The following GLYATL3 variants were observed in gnomAD, a reference collection of about 807,000 sequenced individuals.
GLYATL3 encodes glycine-N-acyltransferase like 3, also known as glycine N-acyltransferase-like protein 3.
GLYATL3 carries 31 observed loss-of-function variants against 28.5 expected under a neutral mutation model. The ratio of observed to expected loss-of-function variants is 1.09; its 90% confidence interval spans 0.82 to 1.47. The LOEUF (loss-of-function observed/expected upper bound fraction) is 1.47, where lower values mean the gene tolerates loss of function less well. Among genes scored for constraint, GLYATL3 ranks in the 40% most tolerant of loss-of-function variants. The pLI is 0.00. For synonymous variants in GLYATL3, 141 were observed against 140.2 expected (o/e 1.01, Z -0.04); for missense variants, 369 against 351.5 (o/e 1.05, Z -0.40).
chr6:49,508,576 T>C (rs890317648), intron 1 of GLYATL3, among the ~76,000 whole-genome samples: 2 of 152,160 alleles, frequency 1.3e-5, no homozygotes, highest in Non-Finnish European at 2.9e-5. Flanking sequence ...CATCCGTTTA[T>C]AGGCTCTCCA....
At chr6:49,524,968 C>CA (rs911424000) in intron 5 of GLYATL3, among the ~76,000 whole-genome samples, 2,761 of 41,540 alleles carry the variant, frequency 0.066, 57 homozygotes, top group South Asian at 0.077. Flanking sequence ...GACTCCCTCT[C>CA]AAAAAAAAAA....
chr6:49,524,752 G>A (rs1340929430), intron 5 of GLYATL3, among the ~76,000 whole-genome samples: 1 of 151,748 alleles, frequency 6.6e-6, no homozygotes, highest in Non-Finnish European at 1.5e-5. Context: ...GCCGAGGCGG[G>A]TAGATCACCC....
intron 2 of GLYATL3, among the ~76,000 whole-genome samples, chr6:49,514,903 A>AAAT (rs762916639): frequency 3.3e-5 from 5 of 152,088 alleles, no homozygotes; most frequent in East Asian, 1.9e-4. Flanking sequence ...TACTGTCGCA[A>AAAT]AATAATAATA....
chr6:49,526,425 G>T (rs1187763632), intron 5 of GLYATL3, 63 bp from the exon 6 acceptor site: 6 of 1,349,084 alleles, frequency 4.4e-6, no homozygotes, highest in Non-Finnish European at 6.1e-6. Flanking sequence ...AAAAAAAAAT[G>T]TGTAGTTATG....
In GLYATL3 at chr6:49,527,104, G is replaced by T; in HGVS notation, c.*190G>T. ...TCTCAGGTTTCTCCAGTAAATAGCTGTGGGGGTGAAGAGTAGCTGTGGCTG... is the reference window on the plus strand; with the variant it reads ...TCTCAGGTTTCTCCAGTAAATAGCTTTGGGGGTGAAGAGTAGCTGTGGCTG... On this transcript the variant is annotated 3_prime_UTR_variant, in exon 6 of 6. Coordinates refer to ENST00000371197, the MANE Select transcript of GLYATL3 (RefSeq NM_001010904.2). The T allele has an allele frequency of 1.8e-6, 1 of 551,722 alleles. No homozygotes were observed. The highest frequency in any genetic ancestry group is 3.2e-6 in the Non-Finnish European group (1 of 313,652). The allele number at this position is 551,722 out of a possible 1,614,324, so 34.2% of individuals were successfully genotyped here.
At chr6:49,516,806 A>C (rs1381944464) in intron 3 of GLYATL3, among the ~76,000 whole-genome samples, 3 of 151,932 alleles carry the variant, frequency 2.0e-5, no homozygotes, top group Non-Finnish European at 2.9e-5. Flanking sequence ...AAAAATAAAA[A>C]ATAATTTTTA....
intron 4 of GLYATL3, among the ~76,000 whole-genome samples, chr6:49,518,768 GTC>G (rs1307214701): frequency 6.6e-6 from 1 of 151,914 alleles, no homozygotes; most frequent in African/African-American, 2.4e-5. Flanking sequence ...GTGAAACCCC[GTC>G]TCTACTAAAA....
chr6:49,513,862 C>T (rs963390442), intron 2 of GLYATL3, among the ~76,000 whole-genome samples: 2 of 152,078 alleles, frequency 1.3e-5, no homozygotes, highest in African/African-American at 4.8e-5. Flanking sequence ...CCCATCTACT[C>T]GGAAAGCAGA....
At chr6:49,506,559 C>T (rs910457799) in intron 1 of GLYATL3, among the ~76,000 whole-genome samples, 1 of 152,088 alleles carries the variant, frequency 6.6e-6, no homozygotes, top group African/African-American at 2.4e-5. Context: ...AAGGCCATTC[C>T]TTAGCAATCA....
At chr6:49,514,499 T>C (rs916506290) in intron 2 of GLYATL3, among the ~76,000 whole-genome samples, 1 of 152,332 alleles carries the variant, frequency 6.6e-6, no homozygotes, top group South Asian at 2.1e-4. Context: ...ATGTGACATA[T>C]GCAAGCTATT....
intron 1 of GLYATL3, 28 bp from the exon 2 acceptor site, chr6:49,511,935 A>T: frequency 1.2e-6 from 1 of 843,316 alleles, no homozygotes; most frequent in Non-Finnish European, 1.9e-6. Flanking sequence ...GGCAAAAATT[A>T]AATGCCTACC....
At chr6:49,523,516 C>T (rs1224113186) in intron 5 of GLYATL3, among the ~76,000 whole-genome samples, 1 of 152,170 alleles carries the variant, frequency 6.6e-6, no homozygotes, top group Non-Finnish European at 1.5e-5. Flanking sequence ...TCACAGTGAG[C>T]CATTTATGTG....
At chr6:49,526,441 C>A in intron 5 of GLYATL3, 47 bp from the exon 6 acceptor site, 2 of 1,474,656 alleles carry the variant, frequency 1.4e-6, no homozygotes. Flanking sequence ...TTATGTATAA[C>A]CACATGAGTC....
At chr6:49,515,100 C>T (rs566823484) in intron 2 of GLYATL3, among the ~76,000 whole-genome samples, 1 of 152,204 alleles carries the variant, frequency 6.6e-6, no homozygotes, top group African/African-American at 2.4e-5. Flanking sequence ...AGCCTTGCTC[C>T]ATCAAATCTA....
Position 49,512,064 on chromosome 6 carries a change from T to C in GLYATL3, c.74T>C (p.Leu25Pro). 2 of 1,199,534 alleles carry C rather than the reference T, an allele frequency of 1.7e-6. No homozygotes were observed. The highest frequency in any genetic ancestry group is 2.4e-6 in the Non-Finnish European group (2 of 835,540). 74.3% of individuals were successfully genotyped at this position (1,199,534 alleles called of 1,614,324 possible). A position where few individuals can be genotyped will look rare whatever the true frequency, so the allele number is the denominator to read the frequency against. Residue 25 changes from leucine to proline, a missense_variant, in exon 2 of 6, where the codon CTC (leucine) becomes CCC (proline). Physicochemically the swap from Leu to Pro is moderately conservative, Grantham distance 98. Transcript: ENST00000371197. ...KMLKSCFPESLKVYGAVMNIN... is the reference protein window; with the variant it reads ...KMLKSCFPESPKVYGAVMNIN... ...TTGAAGAGTTGCTTTCCTGAATCAC[T>C]CAAGGTACCATAAAATTAATAATTT...
chr6:49,515,884 C>A (rs1166798494), intron 3 of GLYATL3, 124 bp downstream of exon 3: 3 of 632,424 alleles, frequency 4.7e-6, no homozygotes, highest in African/African-American at 3.7e-5. Context: ...CCATTCATTT[C>A]TTTTCTTTCT....
intron 4 of GLYATL3, among the ~76,000 whole-genome samples, chr6:49,519,249 T>A (rs1456440187): frequency 1.3e-5 from 2 of 150,056 alleles, no homozygotes; most frequent in Non-Finnish European, 1.5e-5. Context: ...TAATTTCCAA[T>A]ATCTTTTTCA....
rs984301748 is a variant in GLYATL3 at position 49,505,952 on chromosome 6, A to G, written c.-29+5910A>G. ...TCTCTCACTCGTTGTTCTACAAAAG[A>G]CAACTCTTGTTTTGCTGGTTCAGTT... On this transcript the variant is annotated intron_variant, in intron 1 of 5. Coordinates refer to ENST00000371197, the MANE Select transcript of GLYATL3 (RefSeq NM_001010904.2). 3.9e-5 allele frequency among the ~76,000 whole-genome samples: 6 copies of G among 152,340 alleles called. No individual in the cohort carries two copies. In the South Asian group the frequency reaches 1.2e-3, roughly 32 times the overall value.
Position 49,515,707 on chromosome 6 carries a change from G to C in GLYATL3, c.133G>C (p.Val45Leu). The change falls in exon 3 of 6, where the codon GTG (valine) becomes CTG (leucine). Residue 45 changes from valine to leucine, a missense_variant. Transcript: ENST00000371197. ...NRGNPFQKEV[V>L]LDSWPDFKAV... ...TGGGAACCCCTTTCAAAAGGAAGTGGTGTTGGATTCATGGCCGGATTTCAA... is the reference window on the plus strand; with the variant it reads ...TGGGAACCCCTTTCAAAAGGAAGTGCTGTTGGATTCATGGCCGGATTTCAA... The C allele has an allele frequency of 6.4e-7, 1 of 1,551,634 alleles. No individual in the cohort carries two copies. Among genetic ancestry groups the C allele is most frequent in the South Asian group, 1.2e-5 (1 of 84,060 alleles).
Sources: gnomAD v4.1 joint callset for allele counts (sites outside exome capture counted in the v4.1 genomes callset) on GRCh38, gnomAD v4.1.1 for gene constraint, MANE v1.5 for transcripts, NCBI Gene and HGNC (gene_info 2026-07-23, HGNC 2026-07-21) for gene names.